Variants in LRRTM4 observed in about 807,000 individuals in gnomAD.
LRRTM4 encodes the protein leucine rich repeat transmembrane neuronal 4, also known as leucine-rich repeat transmembrane neuronal protein 4.
In LRRTM4, 25 loss-of-function variants were observed where a neutral mutation model predicts 47.6. That is an observed-to-expected ratio of 0.53 (90% CI 0.38 to 0.73). The LOEUF is 0.73. Among genes scored for constraint, LRRTM4 ranks in the 30% least tolerant of loss-of-function variants. The probability of loss-of-function intolerance (pLI) is 0.00; values close to 1 mark genes in which losing one functional copy is unlikely to be tolerated. For synonymous variants in LRRTM4, 311 were observed against 269.5 expected, an observed-to-expected ratio of 1.15 and a Z score of -1.51; for missense variants, 638 against 713.4, an observed-to-expected ratio of 0.89 and a Z score of 1.20.
intron 3 of LRRTM4, among the ~76,000 whole-genome samples, chr2:77,433,465 T>C (rs1424110872): frequency 2.6e-5 from 4 of 152,190 alleles, no homozygotes; most frequent in Admixed American, 2.6e-4. Flanking sequence ...ATCTTCCATC[T>C]CAACCTTGCA....
chr2:77,059,769 A>G (rs559547163), intron 3 of LRRTM4, among the ~76,000 whole-genome samples: 1 of 152,324 alleles, frequency 6.6e-6, no homozygotes, highest in Admixed American at 6.5e-5. Context: ...TGAAAAGTAA[A>G]GCAAAATACA....
At chr2:76,909,360 C>G (rs931186328) in intron 3 of LRRTM4, among the ~76,000 whole-genome samples, 5 of 152,150 alleles carry the variant, frequency 3.3e-5, no homozygotes, top group African/African-American at 1.2e-4. Context: ...GGATTAAAGA[C>G]TTAAACCTTA....
chr2:77,069,810 T>C (rs781505093), intron 3 of LRRTM4, among the ~76,000 whole-genome samples: 4 of 152,204 alleles, frequency 2.6e-5, no homozygotes, highest in African/African-American at 9.6e-5. Flanking sequence ...AAAGATCTTA[T>C]GGACATCACA....
At chr2:77,371,943 A>C (rs1191965616) in intron 3 of LRRTM4, among the ~76,000 whole-genome samples, 2 of 151,906 alleles carry the variant, frequency 1.3e-5, no homozygotes, top group African/African-American at 4.8e-5. Flanking sequence ...ATTTATGGGT[A>C]AGAAACAGAG....
chr2:77,165,390 G>A (rs12713894), intron 3 of LRRTM4, among the ~76,000 whole-genome samples: 74,475 of 151,948 alleles, frequency 0.49, 19,381 homozygotes, highest in Admixed American at 0.59. Flanking sequence ...GGTACAAAGA[G>A]GAGCTGGTGC....
chr2:76,976,265 A>C (rs951493637), intron 3 of LRRTM4, among the ~76,000 whole-genome samples: 2 of 151,810 alleles, frequency 1.3e-5, no homozygotes, highest in Non-Finnish European at 2.9e-5. Context: ...ATAAAAGTGC[A>C]TCTAAAATAA....
At chr2:76,786,185 TAAAG>T (rs1674660593) in intron 3 of LRRTM4, among the ~76,000 whole-genome samples, 1 of 152,128 alleles carries the variant, frequency 6.6e-6, no homozygotes, top group Non-Finnish European at 1.5e-5. Context: ...GAGCAATTTA[TAAAG>T]AAAGTCTCTA....
intron 3 of LRRTM4, among the ~76,000 whole-genome samples, chr2:76,807,924 T>C (rs1178027858): frequency 1.9e-4 from 22 of 117,092 alleles, no homozygotes; most frequent in African/African-American, 6.3e-4. Flanking sequence ...CTTTCCTTTC[T>C]TTCCTTTCCT....
intron 3 of LRRTM4, among the ~76,000 whole-genome samples, chr2:76,894,397 TA>T (rs1673345544): frequency 1.3e-5 from 2 of 152,082 alleles, no homozygotes; most frequent in African/African-American, 4.8e-5. Context: ...TATATCTAGC[TA>T]AAAGGTATTT....
intron 3 of LRRTM4, among the ~76,000 whole-genome samples, chr2:77,444,139 A>G (rs2103936161): frequency 6.6e-6 from 1 of 152,240 alleles, no homozygotes; most frequent in African/African-American, 2.4e-5. Context: ...TAGGAAGATG[A>G]TAATTAAGAA....
At chr2:77,006,660 A>G (rs1360042414) in intron 3 of LRRTM4, among the ~76,000 whole-genome samples, 2 of 152,162 alleles carry the variant, frequency 1.3e-5, no homozygotes, top group Non-Finnish European at 2.9e-5. Flanking sequence ...GAGAGATTCT[A>G]GACTTCTGGG....
At chr2:77,257,691 A>G (rs1169003850) in intron 3 of LRRTM4, among the ~76,000 whole-genome samples, 2 of 151,332 alleles carry the variant, frequency 1.3e-5, no homozygotes, top group African/African-American at 2.4e-5. Context: ...ACTTAGATCA[A>G]AAATTTATAA....
At chr2:76,796,723 G>C (rs1573120767) in intron 3 of LRRTM4, among the ~76,000 whole-genome samples, 1 of 148,948 alleles carries the variant, frequency 6.7e-6, no homozygotes, top group Non-Finnish European at 1.5e-5. Flanking sequence ...AAACAGAACA[G>C]AAAAACTGGA....
At chr2:77,128,366 G>A (rs924256868) in intron 3 of LRRTM4, among the ~76,000 whole-genome samples, 1 of 150,416 alleles carries the variant, frequency 6.6e-6, no homozygotes, top group African/African-American at 2.5e-5. Context: ...AGATAACAAT[G>A]ATAGGGCCAA....
chr2:77,193,700 C>T (rs1016956215), intron 3 of LRRTM4, among the ~76,000 whole-genome samples: 1 of 152,084 alleles, frequency 6.6e-6, no homozygotes, highest in African/African-American at 2.4e-5. Flanking sequence ...ATCTCAGTTA[C>T]TCAGGCAAGA....
At chr2:77,126,523 C>A (rs1386043099) in intron 3 of LRRTM4, among the ~76,000 whole-genome samples, 1 of 152,112 alleles carries the variant, frequency 6.6e-6, no homozygotes, top group Non-Finnish European at 1.5e-5. Flanking sequence ...CCCAAAGCTA[C>A]GTATAATGGT....
At chr2:77,391,742 A>C (rs1430419313) in intron 3 of LRRTM4, among the ~76,000 whole-genome samples, 1 of 151,848 alleles carries the variant, frequency 6.6e-6, no homozygotes, top group Non-Finnish European at 1.5e-5. Context: ...TAAACCCAAA[A>C]ACTAGTTCAG....
At chr2:76,881,782 G>A (rs576708966) in intron 3 of LRRTM4, among the ~76,000 whole-genome samples, 2 of 151,578 alleles carry the variant, frequency 1.3e-5, no homozygotes, top group Non-Finnish European at 2.9e-5. Flanking sequence ...AGCATATATT[G>A]TTAAACTTTT....
chr2:77,170,528 T>G (rs1383258930), intron 3 of LRRTM4, among the ~76,000 whole-genome samples: 1 of 152,146 alleles, frequency 6.6e-6, no homozygotes, highest in Non-Finnish European at 1.5e-5. Context: ...CCAATGGAGA[T>G]CTTAGATAAT....
Sources: allele counts gnomAD v4.1 joint callset (sites outside exome capture counted in the v4.1 genomes callset), GRCh38; gene constraint gnomAD v4.1.1; transcripts MANE v1.5; gene names NCBI Gene and HGNC (gene_info 2026-07-23, HGNC 2026-07-21).